Variants in KDM4C observed in about 807,000 individuals in gnomAD.
KDM4C encodes lysine demethylase 4C.
Under a neutral mutation model 129.3 loss-of-function variants are expected in KDM4C, and 81 were observed. That is an observed-to-expected ratio of 0.63 (90% CI 0.52 to 0.75). The LOEUF is 0.75. Among genes scored for constraint, KDM4C ranks in the 30% least tolerant of loss-of-function variants. The pLI, the probability that KDM4C is intolerant of heterozygous loss-of-function variation, is 0.00. For missense variants in KDM4C, 1,457 were observed against 1,304.0 expected, an observed-to-expected ratio of 1.12 and a Z score of -1.81; for synonymous variants, 573 against 456.1, an observed-to-expected ratio of 1.26 and a Z score of -3.26.
At chr9:6,909,606 A>G (rs2131064687) in intron 8 of KDM4C, among the ~76,000 whole-genome samples, 1 of 152,224 alleles carries the variant, frequency 6.6e-6, no homozygotes, top group South Asian at 2.1e-4. Context: ...TCCAGTTTGT[A>G]TTTATGTAAA....
intron 4 of KDM4C, among the ~76,000 whole-genome samples, chr9:6,824,655 T>C (rs1212337244): frequency 6.7e-6 from 1 of 149,790 alleles, no homozygotes; most frequent in Non-Finnish European, 1.5e-5. Flanking sequence ...AAAAAAAAAT[T>C]AAGAGAATAT....
At chr9:6,849,844 G>A in intron 5 of KDM4C, 144 bp downstream of exon 5, 1 of 649,270 alleles carries the variant, frequency 1.5e-6, no homozygotes, top group East Asian at 2.7e-5. Flanking sequence ...ATAGTTAATT[G>A]TCTTCTATTC....
chr9:6,849,450 A>G (rs964011777), intron 4 of KDM4C, 57 bp from the exon 5 acceptor site: 66 of 1,408,728 alleles, frequency 4.7e-5, no homozygotes, highest in Middle Eastern at 1.8e-4. Flanking sequence ...AGTAAATGCT[A>G]TCTTTCATGG....
At chr9:7,061,988 G>A (rs560492514) in intron 17 of KDM4C, among the ~76,000 whole-genome samples, 48 of 152,276 alleles carry the variant, frequency 3.2e-4, no homozygotes, top group African/African-American at 1.1e-3. Context: ...CTTTTCTTGA[G>A]ACAGAGTCTG....
intron 8 of KDM4C, among the ~76,000 whole-genome samples, chr9:6,928,408 A>C (rs932666624): frequency 6.6e-6 from 1 of 152,144 alleles, no homozygotes; most frequent in Non-Finnish European, 1.5e-5. Flanking sequence ...TTGTGCATGT[A>C]TCTCTTGTCC....
At chr9:6,779,037 T>G (rs1452124049) in intron 1 of KDM4C, among the ~76,000 whole-genome samples, 1 of 141,698 alleles carries the variant, frequency 7.1e-6, no homozygotes, top group Non-Finnish European at 1.5e-5. Flanking sequence ...AAAGTCTTTT[T>G]TTTTTTTTTG....
At chr9:7,134,584 G>A (rs1368376529) in intron 19 of KDM4C, among the ~76,000 whole-genome samples, 3 of 152,146 alleles carry the variant, frequency 2.0e-5, no homozygotes, top group Admixed American at 2.0e-4. Context: ...TAGTTAGCTT[G>A]AATTCTCCTA....
chr9:7,136,006 G>A lies in KDM4C; in HGVS notation c.2781+7770G>A, dbSNP rs148759393. On this transcript the variant is annotated intron_variant, in intron 19 of 21. Transcript: ENST00000381309. ...TTTACAAGAAAAACACCCAGTGGAGGTTATTGACAGTAAATTCGGGGAATG... is the reference window on the plus strand; with the variant it reads ...TTTACAAGAAAAACACCCAGTGGAGATTATTGACAGTAAATTCGGGGAATG... 5.3e-5 allele frequency among the ~76,000 whole-genome samples: 8 copies of A among 152,348 alleles called. No individual in the cohort carries two copies. In the East Asian group the frequency reaches 1.5e-3, roughly 29 times the overall value.
chr9:6,920,432 G>A (rs1410897210), intron 8 of KDM4C, among the ~76,000 whole-genome samples: 3 of 152,100 alleles, frequency 2.0e-5, no homozygotes, highest in South Asian at 4.1e-4. Flanking sequence ...GCTTGGTGGT[G>A]GGCACCTGTA....
At chr9:6,869,498 T>G (rs1294857065) in intron 5 of KDM4C, among the ~76,000 whole-genome samples, 2 of 152,232 alleles carry the variant, frequency 1.3e-5, no homozygotes, top group Admixed American at 1.3e-4. Context: ...TGCCAGGGCT[T>G]TCTTGTATAG....
Position 7,139,061 on chromosome 9 carries a change from C to T in KDM4C, c.2781+10825C>T, listed in dbSNP as rs114268851. ...TCGAGGCAGGCAGATGGCTTGAGCT[C>T]AAGAGTTTGATACCAGCCTGGGCAA... On this transcript the variant is annotated intron_variant, in intron 19 of 21. Coordinates refer to ENST00000381309, the MANE Select transcript of KDM4C (RefSeq NM_015061.6). Among the ~76,000 whole-genome samples, 1,161 of 152,114 alleles carry T rather than the reference C, an allele frequency of 7.6e-3. 16 individuals are homozygous for T. The highest frequency in any genetic ancestry group is 0.026 in the African/African-American group (1,092 of 41,502).
chr9:7,042,231 A>T (rs371877311), intron 15 of KDM4C, among the ~76,000 whole-genome samples: 1 of 152,064 alleles, frequency 6.6e-6, no homozygotes, highest in Non-Finnish European at 1.5e-5. Flanking sequence ...TCATAAGAGT[A>T]ATAAATGGCA....
chr9:6,866,997 G>A (rs10975862), intron 5 of KDM4C, among the ~76,000 whole-genome samples: 20,781 of 51,270 alleles, frequency 0.41, 1,914 homozygotes, highest in South Asian at 0.53. Flanking sequence ...GTGTGTGTGT[G>A]TGTATATATA....
At chr9:6,812,600 T>TG (rs894322414) in intron 3 of KDM4C, among the ~76,000 whole-genome samples, 1 of 152,194 alleles carries the variant, frequency 6.6e-6, no homozygotes, top group African/African-American at 2.4e-5. Flanking sequence ...TATGAGAATC[T>TG]AATGCCACTG....
intron 5 of KDM4C, among the ~76,000 whole-genome samples, chr9:6,867,587 ATCT>A (rs1462339068): frequency 6.6e-6 from 1 of 152,196 alleles, no homozygotes; most frequent in Non-Finnish European, 1.5e-5. Flanking sequence ...ACATTTTAGA[ATCT>A]TCTCGAAATG....
intron 15 of KDM4C, among the ~76,000 whole-genome samples, chr9:7,037,577 T>C (rs1245707836): frequency 6.6e-6 from 1 of 152,198 alleles, no homozygotes; most frequent in African/African-American, 2.4e-5. Flanking sequence ...CAGTGGTGAT[T>C]TTTTATGAAA....
rs143840912 is a variant in KDM4C, at chr9:7,027,642, G to C, written c.2259+11713G>C. Among the ~76,000 whole-genome samples, 845 of 152,284 alleles carry C rather than the reference G, an allele frequency of 5.5e-3. 13 individuals are homozygous for C. Among genetic ancestry groups the C allele is most frequent in the African/African-American group, 0.018 (759 of 41,548 alleles). ...CCTTGGGACACTACAGTCAGCAGATGGTGAAGCTAGCTAGGCTTGTGTCCT... is the reference window on the plus strand; with the variant it reads ...CCTTGGGACACTACAGTCAGCAGATCGTGAAGCTAGCTAGGCTTGTGTCCT... On this transcript the variant is annotated intron_variant, in intron 15 of 21. Transcript: ENST00000381309.
chr9:6,758,031 G>C lies in KDM4C; in HGVS notation c.-190G>C. 7.1e-6 allele frequency: 7 copies of C among 985,456 alleles called. No homozygotes were observed. The highest frequency in any genetic ancestry group is 7.2e-6 in the Non-Finnish European group (6 of 829,946). 61.0% of individuals were successfully genotyped at this position (985,456 alleles called of 1,614,324 possible). A position where few individuals can be genotyped will look rare whatever the true frequency, so the allele number is the denominator to read the frequency against. ...TCCCACCCACCCCCTCGACGGGAGG[G>C]TGAGGCGCGGCGCAGTGATCGGGCG... On this transcript the variant is annotated 5_prime_UTR_variant, in exon 1 of 22. Coordinates refer to ENST00000381309, the MANE Select transcript of KDM4C (RefSeq NM_015061.6). This position sits in a 1 kb window ranked among gnomAD's most constrained non-coding sequence, Gnocchi z 4.6.
rs59833876 is a variant in KDM4C at position 6,748,841 on chromosome 9, G to A, written c.49+27844G>A. 5.1e-3 allele frequency: 5,821 copies of A among 1,133,412 alleles called. 244 individuals carry two copies. The African/African-American group carries it at 0.078, about 15-fold the overall frequency. 70.2% of individuals were successfully genotyped at this position (1,133,412 alleles called of 1,614,324 possible). Reference sequence around the variant, plus strand: ...GGTTCATATACTCATCAAAACCAATGATACAGCCTTCTATCTGCATATTCA... The same window carrying A: ...GGTTCATATACTCATCAAAACCAATAATACAGCCTTCTATCTGCATATTCA... On this transcript the variant is annotated intron_variant, in intron 1 of 17. Coordinates refer to the KDM4C transcript ENST00000536108.
Sources: gnomAD v4.1 joint callset for allele counts (sites outside exome capture counted in the v4.1 genomes callset) on GRCh38, gnomAD v4.1.1 for gene constraint, Gnocchi (gnomAD v3.1) non-coding constraint, MANE v1.5 for transcripts, NCBI Gene and HGNC (gene_info 2026-07-23, HGNC 2026-07-21) for gene names.